GABBR2: variants seen among roughly 807,000 people sequenced by gnomAD.
The protein encoded by GABBR2 is gamma-aminobutyric acid type B receptor subunit 2.
Under a neutral mutation model 105.6 loss-of-function variants are expected in GABBR2, and 23 were observed. The ratio of observed to expected loss-of-function variants is 0.22; its 90% CI spans 0.16 to 0.31. The LOEUF (loss-of-function observed/expected upper bound fraction) is 0.31, where lower values mean the gene tolerates loss of function less well. Among genes scored for constraint, GABBR2 ranks in the 10% least tolerant of loss-of-function variants. The pLI, the probability that GABBR2 is intolerant of heterozygous loss-of-function variation, is 1.00. For synonymous variants in GABBR2, 478 were observed against 499.7 expected (o/e 0.96, Z 0.58); for missense variants, 734 against 1,245.5 (o/e 0.59, Z 6.18).
rs768482972 is a variant in GABBR2 at position 98,454,040 on chromosome 9, G to C, written c.1177C>G (p.His393Asp). Residue 393 changes from histidine to aspartate, a missense_variant, in exon 7 of 19, where the codon CAC becomes GAC. Coordinates refer to ENST00000259455, the MANE Select transcript of GABBR2 (RefSeq NM_005458.8). The surrounding 1 kb of genome is among the most constrained non-coding windows in gnomAD (Gnocchi z 4.6). ...TTGAGGATGATCCTGCCCAGCGTGT[G>C]GTCCGTGTAGTTGAAGTCCTGGATC... ...QRIQDFNYTD[H>D]TLGRIILNAM... 31 of 1,614,084 alleles carry C rather than the reference G, an allele frequency of 1.9e-5. No individual in the cohort carries two copies. Among genetic ancestry groups the C allele is most frequent in the Admixed American group, 6.7e-5 (4 of 60,010 alleles).
chr9:98,380,933 A>G (rs562022765), intron 11 of GABBR2, among the ~76,000 whole-genome samples: 34 of 152,318 alleles, frequency 2.2e-4, no homozygotes, highest in African/African-American at 7.7e-4. Flanking sequence ...TAAAAGGGAG[A>G]AAAAAGCGGC....
At chr9:98,623,152 C>T (rs951577910) in intron 1 of GABBR2, among the ~76,000 whole-genome samples, 3 of 152,144 alleles carry the variant, frequency 2.0e-5, no homozygotes, top group Non-Finnish European at 2.9e-5. Context: ...AGGCGGGGCG[C>T]GGTGGCTCAT....
intron 1 of GABBR2, among the ~76,000 whole-genome samples, chr9:98,705,817 C>T (rs1830884975): frequency 6.6e-6 from 1 of 152,190 alleles, no homozygotes; most frequent in African/African-American, 2.4e-5. Context: ...TGGCTCATGC[C>T]TGTAATCCCA....
At chr9:98,546,232 T>G (rs1457703574) in intron 2 of GABBR2, among the ~76,000 whole-genome samples, 3 of 152,182 alleles carry the variant, frequency 2.0e-5, no homozygotes, top group African/African-American at 7.2e-5. Flanking sequence ...TTAGACTACT[T>G]ATGCATAATA....
At chr9:98,574,118 C>T (rs1828878055) in intron 2 of GABBR2, among the ~76,000 whole-genome samples, 2 of 152,216 alleles carry the variant, frequency 1.3e-5, no homozygotes, top group Non-Finnish European at 2.9e-5. Context: ...AGGGCAGGGC[C>T]TCAGCATCAA....
At chr9:98,633,740 C>A (rs555868273) in intron 1 of GABBR2, among the ~76,000 whole-genome samples, 1 of 151,886 alleles carries the variant, frequency 6.6e-6, no homozygotes, top group African/African-American at 2.4e-5. Flanking sequence ...GGAGCCAGGG[C>A]GGGGAGGGAC....
At chr9:98,393,196 A>ATC (rs1451923831) in intron 9 of GABBR2, among the ~76,000 whole-genome samples, 6 of 135,396 alleles carry the variant, frequency 4.4e-5, no homozygotes, top group East Asian at 4.7e-4. Context: ...CTATCCATCC[A>ATC]CTTGATCAAT....
intron 13 of GABBR2, among the ~76,000 whole-genome samples, chr9:98,317,841 CA>C (rs1159817282): frequency 6.6e-6 from 1 of 152,130 alleles, no homozygotes; most frequent in Non-Finnish European, 1.5e-5. Flanking sequence ...ACAAACCACA[CA>C]GTACAGTTAT....
At chr9:98,369,317 CA>C (rs964236642) in intron 12 of GABBR2, among the ~76,000 whole-genome samples, 5 of 152,010 alleles carry the variant, frequency 3.3e-5, no homozygotes, top group African/African-American at 1.2e-4. Flanking sequence ...GGGCAGGGGG[CA>C]GGGGGCAGAG....
chr9:98,558,391 A>C (rs1183840379), intron 2 of GABBR2, among the ~76,000 whole-genome samples: 1 of 152,224 alleles, frequency 6.6e-6, no homozygotes, highest in African/African-American at 2.4e-5. Context: ...AAGAATGAGC[A>C]TTTAGTGATC....
chr9:98,343,923 A>G (rs1322814180), intron 13 of GABBR2, among the ~76,000 whole-genome samples: 1 of 152,208 alleles, frequency 6.6e-6, no homozygotes, highest in East Asian at 1.9e-4. Context: ...ACACATACAT[A>G]CTGTCAATTC....
intron 1 of GABBR2, among the ~76,000 whole-genome samples, chr9:98,663,710 C>T (rs1383749868): frequency 6.7e-6 from 1 of 149,448 alleles, no homozygotes; most frequent in Non-Finnish European, 1.5e-5. Context: ...GGACCTGAGA[C>T]ATTTTGCAGA....
intron 6 of GABBR2, among the ~76,000 whole-genome samples, chr9:98,465,634 T>C (rs150337782): frequency 0.014 from 2,078 of 152,328 alleles, 39 homozygotes; most frequent in Non-Finnish European, 0.016. Context: ...TACAAAATGA[T>C]ACCACATCTA....
chr9:98,374,784 C>G (rs112169470), intron 11 of GABBR2, among the ~76,000 whole-genome samples: 3,255 of 152,226 alleles, frequency 0.021, 119 homozygotes, highest in African/African-American at 0.074. Context: ...ACTTTGCCTC[C>G]CCACGTGCCT....
intron 3 of GABBR2, among the ~76,000 whole-genome samples, chr9:98,500,625 A>G (rs1390088131): frequency 1.3e-5 from 2 of 152,246 alleles, no homozygotes; most frequent in Non-Finnish European, 2.9e-5. Context: ...GGAGCCGAAG[A>G]CATTCGGCAT....
intron 1 of GABBR2, among the ~76,000 whole-genome samples, chr9:98,652,036 G>C (rs1352959771): frequency 1.3e-5 from 2 of 152,162 alleles, no homozygotes; most frequent in Non-Finnish European, 2.9e-5. Flanking sequence ...GCCATGAGTG[G>C]ACAATTGTTG....
rs558868900 is a variant in GABBR2, at chr9:98,585,497, G to T, written c.322-7425C>A. Among the ~76,000 whole-genome samples the T allele has an allele frequency of 1.5e-4, 20 of 136,264 alleles. 1 individual carries two copies. The South Asian group carries it at 4.5e-3, about 31-fold the overall frequency. 89.4% of individuals were successfully genotyped at this position (136,264 alleles called of 152,430 possible). ...CACACACCGGGGACTGGCGTAGGGT[G>T]GGGGGAGTGGGGAGGGATAGCATTA... On this transcript the variant is annotated intron_variant, in intron 1 of 18. Transcript: ENST00000259455.
At chr9:98,436,358 T>A (rs1564068218) in intron 7 of GABBR2, among the ~76,000 whole-genome samples, 3 of 3,598 alleles carry the variant, frequency 8.3e-4, no homozygotes, top group Admixed American at 2.4e-3. Context: ...CATATATATA[T>A]ATATATATAT....
intron 17 of GABBR2, among the ~76,000 whole-genome samples, chr9:98,294,595 C>A (rs548821549): frequency 5.3e-5 from 8 of 151,876 alleles, no homozygotes; most frequent in Admixed American, 1.3e-4. Flanking sequence ...TCTCCTGTGT[C>A]AGCTCCAAGC....
Sources: allele counts gnomAD v4.1 joint callset (sites outside exome capture counted in the v4.1 genomes callset), GRCh38; gene constraint gnomAD v4.1.1; non-coding constraint Gnocchi (gnomAD v3.1); transcripts MANE v1.5; gene names NCBI Gene and HGNC (gene_info 2026-07-23, HGNC 2026-07-21).